The following GATA4 variants were observed in gnomAD, a reference collection of about 807,000 sequenced individuals.
The protein encoded by GATA4 is GATA binding protein 4, also known as transcription factor GATA-4.
A neutral mutation model predicts 37.9 loss-of-function variants in GATA4; 7 were observed. That is an observed-to-expected ratio of 0.18 (90% CI 0.11 to 0.35). The LOEUF is 0.35. Among genes scored for constraint, GATA4 ranks in the 10% least tolerant of loss-of-function variants. The pLI, the probability that GATA4 is intolerant of heterozygous loss-of-function variation, is 1.00. For missense variants in GATA4, 647 were observed against 653.0 expected (o/e 0.99, Z 0.10); for synonymous variants, 372 against 292.6 (o/e 1.27, Z -2.77).
chr8:11,702,724 C>T (rs117165277), upstream of GATA4, among the ~76,000 whole-genome samples: 2,487 of 152,192 alleles, frequency 0.016, 29 homozygotes, highest in Middle Eastern at 0.068. This position sits in a 1 kb window ranked among gnomAD's most constrained non-coding sequence, Gnocchi z 4.4. Context: ...CCCCAGCTTC[C>T]GGGATGCAGG....
At chr8:11,678,964 A>G (rs1798866529) in intron 1 of GATA4, among the ~76,000 whole-genome samples, 1 of 152,258 alleles carries the variant, frequency 6.6e-6, no homozygotes, top group Admixed American at 6.5e-5. Flanking sequence ...CAAGTATAAT[A>G]AAATATCCAT....
chr8:11,732,590 G>A (rs919584429), intron 2 of GATA4, among the ~76,000 whole-genome samples: 1 of 152,210 alleles, frequency 6.6e-6, no homozygotes, highest in Non-Finnish European at 1.5e-5. Flanking sequence ...AGATAGATGT[G>A]ATTGATTGCC....
intron 2 of GATA4, among the ~76,000 whole-genome samples, chr8:11,742,851 T>C (rs891807162): frequency 6.6e-6 from 1 of 152,236 alleles, no homozygotes; most frequent in Non-Finnish European, 1.5e-5. Context: ...GAACTCTGGA[T>C]GGGACATGGG....
At chr8:11,736,520 G>A (rs1452171050) in intron 2 of GATA4, among the ~76,000 whole-genome samples, 1 of 152,236 alleles carries the variant, frequency 6.6e-6, no homozygotes, top group East Asian at 1.9e-4. Context: ...CATCAGGAGA[G>A]CCCTGAGCAG....
chr8:11,733,611 T>C (rs145317853), intron 2 of GATA4, among the ~76,000 whole-genome samples: 163 of 152,388 alleles, frequency 1.1e-3, no homozygotes, highest in African/African-American at 3.8e-3. Context: ...GTAAGTGTTA[T>C]GTGCCTTAAC....
chr8:11,708,972 G>A lies in GATA4; in HGVS notation c.616+44G>A, dbSNP rs1293947311. On this transcript the variant is annotated intron_variant, in intron 2 of 6. Transcript: ENST00000532059. The surrounding 1 kb of genome is among the most constrained non-coding windows in gnomAD (Gnocchi z 6.7). ...GCTGGGGCGCGTGAGGGCCGGGGCA[G>A]GGGCCGTCTTGAGCCCTGTCGAGGG... 6.6e-7 allele frequency: 1 copy of A among 1,506,936 alleles called. No homozygotes were observed. The highest frequency in any genetic ancestry group is 8.8e-7 in the Non-Finnish European group (1 of 1,134,338). The allele number at this position is 1,506,936 out of a possible 1,614,324, so 93.3% of individuals were successfully genotyped here. A position where few individuals can be genotyped will look rare whatever the true frequency, so the allele number is the denominator to read the frequency against.
chr8:11,737,061 G>T (rs1454649817), intron 2 of GATA4, among the ~76,000 whole-genome samples: 1 of 152,100 alleles, frequency 6.6e-6, no homozygotes, highest in Non-Finnish European at 1.5e-5. Flanking sequence ...CAGGGTAGCA[G>T]GGTGACTCGG....
At position 11,708,506 on chromosome 8, in the gene GATA4, G is replaced by A; in HGVS notation, c.194G>A (p.Gly65Asp). ...QGGGAGSASGGASGGSSGGAA... is the reference protein window; with the variant it reads ...QGGGAGSASGDASGGSSGGAA... ...GGAGGCGCGGGCTCTGCGTCCGGAG[G>A]CGCCTCGGGCGGCAGCTCCGGTGGG... Residue 65 changes from glycine (G) to aspartate (D), a missense_variant, in exon 2 of 7, where the codon GGC (glycine) becomes GAC (aspartate). Gly to Asp is a moderately conservative substitution (Grantham distance 94). Around this residue, in one of 5 missense-constraint regions of GATA4, gnomAD observed 379 missense variants for 334.5 expected, o/e 1.13. Transcript: ENST00000532059. The surrounding 1 kb of genome is among the most constrained non-coding windows in gnomAD (Gnocchi z 6.7). The A allele has an allele frequency of 6.8e-7, 1 of 1,476,330 alleles. No homozygotes were observed. The highest frequency in any genetic ancestry group is 2.8e-5 in the East Asian group (1 of 35,274). 91.5% of individuals were successfully genotyped at this position (1,476,330 alleles called of 1,614,324 possible). A position where few individuals can be genotyped will look rare whatever the true frequency, so the allele number is the denominator to read the frequency against.
At chr8:11,720,138 C>T (rs1206168453) in intron 2 of GATA4, among the ~76,000 whole-genome samples, 1 of 151,604 alleles carries the variant, frequency 6.6e-6, no homozygotes, top group South Asian at 2.1e-4. Flanking sequence ...GACTCACTGC[C>T]TCTCTCTGCT....
At position 11,708,353 on chromosome 8, in the gene GATA4, C is replaced by T. The variant is rs996317979; in HGVS notation, c.41C>T (p.Pro14Leu). 1.3e-6 allele frequency: 2 copies of T among 1,583,044 alleles called. No homozygotes were observed. Among genetic ancestry groups the T allele is most frequent in the South Asian group, 2.3e-5 (2 of 88,486 alleles). Residue 14 changes from proline to leucine, a missense_variant, in exon 2 of 7, where the codon CCC becomes CTC. Physicochemically the swap from Pro to Leu is moderately conservative, Grantham distance 98 (BLOSUM62 -3). Transcript: ENST00000532059. The surrounding 1 kb of genome is among the most constrained non-coding windows in gnomAD (Gnocchi z 6.7). The part of the protein sequence containing the change: ...SLAMAANHGP[P>L]PGAYEAGGPG... ...GCCATGGCCGCCAACCACGGGCCGCCCCCCGGTGCCTACGAGGCGGGCGGC... is the reference window on the plus strand; with the variant it reads ...GCCATGGCCGCCAACCACGGGCCGCTCCCCGGTGCCTACGAGGCGGGCGGC...
chr8:11,742,232 G>C lies in GATA4; in HGVS notation c.617-6684G>C, dbSNP rs7819212. Among the ~76,000 whole-genome samples the C allele has an allele frequency of 6.4e-3, 975 of 152,240 alleles. 9 individuals are homozygous for C. The highest frequency in any genetic ancestry group is 0.022 in the African/African-American group (918 of 41,524). On this transcript the variant is annotated intron_variant, in intron 2 of 6. Transcript: ENST00000532059. ...CCTCCAGTGACAGGTGTGGTTGCCT[G>C]TTACAGCCTTCACGCTCATCTTTCT...
At chr8:11,712,224 G>A (rs1031773180) in intron 2 of GATA4, among the ~76,000 whole-genome samples, 2 of 152,236 alleles carry the variant, frequency 1.3e-5, no homozygotes, top group Admixed American at 1.3e-4. Flanking sequence ...GGTGTGCCCA[G>A]GACTGAGGGT....
chr8:11,704,907 G>C lies in GATA4; in HGVS notation c.-458+603G>C, dbSNP rs118083208. Among the ~76,000 whole-genome samples, 16 of 152,346 alleles carry C rather than the reference G, an allele frequency of 1.1e-4. 1 individual carries two copies. In the East Asian group the frequency reaches 3.1e-3, roughly 29 times the overall value. On this transcript the variant is annotated intron_variant, in intron 1 of 6. Coordinates refer to ENST00000532059, the MANE Select transcript of GATA4 (RefSeq NM_001308093.3). Reference sequence around the variant, plus strand: ...GGTCCAGGGACTGAATGCTCCTCTGGAAGCTCACCACCCCACCTGCCCGCG... The same window carrying C: ...GGTCCAGGGACTGAATGCTCCTCTGCAAGCTCACCACCCCACCTGCCCGCG...
intron 1 of GATA4, among the ~76,000 whole-genome samples, chr8:11,705,049 G>C (rs575227794): frequency 6.6e-6 from 1 of 152,360 alleles, no homozygotes; most frequent in South Asian, 2.1e-4. Flanking sequence ...TTGGGCTCAG[G>C]GGTCACCGTG....
chr8:11,741,493 CA>C (rs1354715258), intron 2 of GATA4, among the ~76,000 whole-genome samples: 1 of 151,562 alleles, frequency 6.6e-6, no homozygotes, highest in Non-Finnish European at 1.5e-5. Flanking sequence ...AACAAACAAA[CA>C]AAAAAAGTCC....
chr8:11,686,702 A>G (rs557688257), intron 1 of GATA4, among the ~76,000 whole-genome samples: 6 of 152,294 alleles, frequency 3.9e-5, no homozygotes, highest in South Asian at 2.1e-4. Flanking sequence ...TTAATTCTCT[A>G]CAAACAAAAT....
intron 2 of GATA4, among the ~76,000 whole-genome samples, chr8:11,720,473 G>T (rs950837506): frequency 7.9e-5 from 12 of 152,048 alleles, no homozygotes; most frequent in African/African-American, 2.7e-4. Context: ...TTAGATTTGG[G>T]GGTGCATGTG....
At chr8:11,680,667 T>C (rs1322402004) in intron 1 of GATA4, 1 of 985,170 alleles carries the variant, frequency 1.0e-6, no homozygotes, top group East Asian at 1.1e-4. Context: ...GGGTCGCCCT[T>C]TGCGTCAGAG....
intron 1 of GATA4, among the ~76,000 whole-genome samples, chr8:11,678,802 C>G (rs767785012): frequency 6.6e-6 from 1 of 152,100 alleles, no homozygotes; most frequent in Non-Finnish European, 1.5e-5. Flanking sequence ...GTGACATAAT[C>G]ATTGCCACAA....
Sources: allele counts gnomAD v4.1 joint callset (sites outside exome capture counted in the v4.1 genomes callset), GRCh38; gene constraint gnomAD v4.1.1; regional missense constraint gnomAD v4.1.1; non-coding constraint Gnocchi (gnomAD v3.1); transcripts MANE v1.5; gene names NCBI Gene and HGNC (gene_info 2026-07-23, HGNC 2026-07-21).